Variants in DBP observed in about 807,000 individuals in gnomAD.
The protein encoded by DBP is D-box binding PAR bZIP transcription factor.
A neutral mutation model predicts 21.4 loss-of-function variants in DBP; 12 were observed. That is an observed-to-expected ratio of 0.56 (90% confidence interval 0.36 to 0.91). DBP has a LOEUF of 0.91. Among genes scored for constraint, DBP ranks in the 40% least tolerant of loss-of-function variants. The pLI is 0.01. For missense variants in DBP, 423 were observed against 473.4 expected (o/e 0.89, Z 0.99); for synonymous variants, 213 against 224.9 (o/e 0.95, Z 0.47).
Position 48,630,547 on chromosome 19 carries a change from C to T in DBP, c.*290G>A. The stretch of plus-strand genomic sequence containing the variant: ...ATGCCAGGGAGCTGCCCTCTTCTTC[C>T]ACAACAGCTGGCTCTGGGGTTCTCA... On this transcript the variant is annotated 3_prime_UTR_variant, in exon 4 of 4. Coordinates refer to ENST00000222122, the MANE Select transcript of DBP (RefSeq NM_001352.5). The surrounding 1 kb of genome is among the most constrained non-coding windows in gnomAD (Gnocchi z 4.9). 4 of 1,535,374 alleles carry T rather than the reference C, an allele frequency of 2.6e-6. No individual in the cohort carries two copies. Among genetic ancestry groups the T allele is most frequent in the Non-Finnish European group, 3.5e-6 (4 of 1,146,576 alleles).
At chr19:48,632,779 T>C (rs1418239203) in intron 3 of DBP, 2 of 154,474 alleles carry the variant, frequency 1.3e-5, no homozygotes, top group African/African-American at 4.8e-5. Context: ...ACAGTCTTCA[T>C]CCTAGCCAAA....
chr19:48,635,950 T>C lies in DBP; in HGVS notation c.180A>G (p.Ala60=). 7.9e-6 allele frequency: 12 copies of C among 1,526,806 alleles called. No homozygotes were observed. Among genetic ancestry groups the C allele is most frequent in the Non-Finnish European group, 1.0e-5 (12 of 1,144,214 alleles). The allele number at this position is 1,526,806 out of a possible 1,614,324, so 94.6% of individuals were successfully genotyped here. The part of the protein sequence containing the change: ...KEKERKAALP[A]ATTPGPGLET... ...CCAGGCCTGGCCCAGGGGTTGTGGCTGCAGGCAGGGCCGCCTTGCGCTCCT... is the reference window on the plus strand; with the variant it reads ...CCAGGCCTGGCCCAGGGGTTGTGGCCGCAGGCAGGGCCGCCTTGCGCTCCT... The change falls in exon 2 of 4, where the codon GCA becomes GCG. Residue 60 remains alanine (A), a synonymous_variant. Coordinates refer to ENST00000222122, the MANE Select transcript of DBP (RefSeq NM_001352.5).
At position 48,633,484 on chromosome 19, in the gene DBP, A is replaced by T; in HGVS notation, c.722T>A (p.Met241Lys). The T allele has an allele frequency of 1.2e-6, 2 of 1,614,098 alleles. No homozygotes were observed. Among genetic ancestry groups the T allele is most frequent in the Non-Finnish European group, 1.7e-6 (2 of 1,180,034 alleles). ...SEEELKPQPI[M>K]KKARKIQVPE... ...CACCTGGATTTTTCTTGCCTTCTTC[A>T]TGATTGGCTGGGGCTTAAGTTCCTC... The change falls in exon 3 of 4, where the codon ATG (methionine) becomes AAG (lysine). Residue 241 changes from methionine to lysine, a missense_variant. This residue lies in a region of DBP where 77 missense variants were observed against 97.1 expected (regional missense o/e 0.79). Coordinates refer to ENST00000222122, the MANE Select transcript of DBP (RefSeq NM_001352.5).
At chr19:48,635,226 T>G (rs1393362132) in intron 2 of DBP, 4 of 1,125,890 alleles carry the variant, frequency 3.6e-6, no homozygotes, top group Non-Finnish European at 4.4e-6. Flanking sequence ...GGGCCCAGAT[T>G]CGGGGGTCAG....
intron 2 of DBP, chr19:48,635,178 C>T (rs1601181054): frequency 1.6e-5 from 17 of 1,058,008 alleles, no homozygotes; most frequent in Non-Finnish European, 1.8e-5. Context: ...CTGTAAAGGA[C>T]CTAGGGGCTC....
At chr19:48,634,664 T>C in intron 2 of DBP, 2 of 984,562 alleles carry the variant, frequency 2.0e-6, no homozygotes, top group Non-Finnish European at 2.4e-6. Context: ...TGAAGGCGCC[T>C]GCGCGAAGCG....
chr19:48,634,649 G>A (rs2030716763), intron 2 of DBP: 1 of 978,530 alleles, frequency 1.0e-6, no homozygotes, highest in African/African-American at 1.8e-5. Flanking sequence ...CGCCCCCCTC[G>A]CGCTTGAAGG....
intron 1 of DBP, among the ~76,000 whole-genome samples, 192 bp from the exon 2 acceptor site, chr19:48,636,182 G>A (rs2030788785): frequency 1.3e-5 from 2 of 152,080 alleles, no homozygotes; most frequent in Admixed American, 1.3e-4. Context: ...TGGAGACGGG[G>A]GTGGCAGAGA....
rs1454269888 is a variant in DBP, at chr19:48,635,617, G to A, written c.513C>T (p.Ala171=). 1.5e-6 allele frequency: 2 copies of A among 1,345,020 alleles called. No individual in the cohort carries two copies. Among genetic ancestry groups the A allele is most frequent in the Non-Finnish European group, 1.9e-6 (2 of 1,058,064 alleles). The allele number at this position is 1,345,020 out of a possible 1,614,324, so 83.3% of individuals were successfully genotyped here. The part of the protein sequence containing the change: ...SPRSSPGHAP[A]RAALGTASGH... ...CGCTGGCGGTCCCGAGGGCAGCCCG[G>A]GCGGGGGCGTGCCCAGGAGAGGAGC... Residue 171 remains alanine, a synonymous_variant, in exon 2 of 4, where the codon GCC becomes GCT. Coordinates refer to ENST00000222122, the MANE Select transcript of DBP (RefSeq NM_001352.5).
chr19:48,635,554 G>C (rs2030753296), intron 2 of DBP, 26 bp downstream of exon 2: 2 of 1,429,562 alleles, frequency 1.4e-6, no homozygotes, highest in South Asian at 2.8e-5. Flanking sequence ...GCCCCGTCAG[G>C]ACCCGCCCCG....
Position 48,630,261 on chromosome 19 carries a change from T to C in DBP, c.*576A>G. ...GGGGCAGGTTCCCCGGGGCCGGCGCTAGGATTTGCACTAATGTTCCTCTCC... is the reference window on the plus strand; with the variant it reads ...GGGGCAGGTTCCCCGGGGCCGGCGCCAGGATTTGCACTAATGTTCCTCTCC... On this transcript the variant is annotated 3_prime_UTR_variant, in exon 4 of 4. Coordinates refer to ENST00000222122, the MANE Select transcript of DBP (RefSeq NM_001352.5). The surrounding 1 kb of genome is among the most constrained non-coding windows in gnomAD (Gnocchi z 4.9). 1 of 1,283,128 alleles carries C rather than the reference T, an allele frequency of 7.8e-7. No individual in the cohort carries two copies. Among genetic ancestry groups the C allele is most frequent in the Non-Finnish European group, 9.8e-7 (1 of 1,015,800 alleles). The allele number at this position is 1,283,128 out of a possible 1,614,324, so 79.5% of individuals were successfully genotyped here.
At position 48,630,166 on chromosome 19, in the gene DBP, G is replaced by A; in HGVS notation, c.*671C>T. The A allele has an allele frequency of 8.1e-7, 1 of 1,239,592 alleles. No homozygotes were observed. Among genetic ancestry groups the A allele is most frequent in the Non-Finnish European group, 1.0e-6 (1 of 989,182 alleles). 76.8% of individuals were successfully genotyped at this position (1,239,592 alleles called of 1,614,324 possible). A position where few individuals can be genotyped will look rare whatever the true frequency, so the allele number is the denominator to read the frequency against. ...GGCTGGGGTAGGCCTCAGTGAGTCG[G>A]CCGGTCAGGGCCCGCAGCCTCGCCC... On this transcript the variant is annotated 3_prime_UTR_variant, in exon 4 of 4. Coordinates refer to ENST00000222122, the MANE Select transcript of DBP (RefSeq NM_001352.5). This position sits in a 1 kb window ranked among gnomAD's most constrained non-coding sequence, Gnocchi z 4.9.
Position 48,635,998 on chromosome 19 carries a change from C to A in DBP, c.140-8G>T, listed in dbSNP as rs937081890. The A allele has an allele frequency of 2.0e-6, 3 of 1,503,968 alleles. No individual in the cohort carries two copies. The African/African-American group carries it at 4.3e-5, about 21-fold the overall frequency. 93.2% of individuals were successfully genotyped at this position (1,503,968 alleles called of 1,614,324 possible). The stretch of plus-strand genomic sequence containing the variant: ...CCTTTTCCTTCAGGAGACCTGCGGG[C>A]CGGGAAAGACGGGTTGGGATGAGGG... On this transcript the variant is annotated splice_region_variant and splice_polypyrimidine_tract_variant and intron_variant, in intron 1 of 3. Transcript: ENST00000222122.
In DBP at chr19:48,635,711, G is replaced by A; in HGVS notation, c.419C>T (p.Pro140Leu). The change falls in exon 2 of 4, where the codon CCG becomes CTG. Residue 140 changes from proline (P) to leucine (L), a missense_variant. Pro to Leu is a moderately conservative substitution (Grantham distance 98, BLOSUM62 -3). Transcript: ENST00000222122. Reference sequence around the variant, plus strand: ...GGGCGTCCGCGCGGGCGACGGCTCCGGCGACGGGCCACCGGGGGGCGGCGG... The same window carrying A: ...GGGCGTCCGCGCGGGCGACGGCTCCAGCGACGGGCCACCGGGGGGCGGCGG... The part of the protein sequence containing the change: ...PSPPPPGGPS[P>L]EPSPARTPAP... 4.5e-6 allele frequency: 6 copies of A among 1,332,586 alleles called. No homozygotes were observed. Among genetic ancestry groups the A allele is most frequent in the South Asian group, 2.0e-5 (1 of 48,970 alleles). The allele number at this position is 1,332,586 out of a possible 1,614,324, so 82.5% of individuals were successfully genotyped here. A position where few individuals can be genotyped will look rare whatever the true frequency, so the allele number is the denominator to read the frequency against.
Position 48,630,963 on chromosome 19 carries a change from C to G in DBP, c.852G>C (p.Ser284=), listed in dbSNP as rs200967897. 1.9e-6 allele frequency: 3 copies of G among 1,613,544 alleles called. No homozygotes were observed. The highest frequency in any genetic ancestry group is 2.5e-6 in the Non-Finnish European group (3 of 1,179,924). The part of the protein sequence containing the change: ...DARRLKENQI[S]VRAAFLEKEN... ...CCTTCTCCAGGAAGGCCGCCCGCAC[C>G]GATATCTGGTTCTCCTTGAGCCGCC... The change falls in exon 4 of 4, where the codon TCG becomes TCC. Residue 284 remains serine, a synonymous_variant. Coordinates refer to ENST00000222122, the MANE Select transcript of DBP (RefSeq NM_001352.5). This position sits in a 1 kb window ranked among gnomAD's most constrained non-coding sequence, Gnocchi z 4.9.
At position 48,635,323 on chromosome 19, in the gene DBP, G is replaced by A. The variant is rs953224894; in HGVS notation, c.550+257C>T. 3.9e-6 allele frequency: 5 copies of A among 1,287,124 alleles called. No individual in the cohort carries two copies. In the African/African-American group the frequency reaches 6.4e-5, roughly 17 times the overall value. The allele number at this position is 1,287,124 out of a possible 1,614,324, so 79.7% of individuals were successfully genotyped here. A position where few individuals can be genotyped will look rare whatever the true frequency, so the allele number is the denominator to read the frequency against. ...ACATCGTTTGTCCCCAAGTCCCACA[G>A]AAAAACCCACAAAATCTCATTGGGC... On this transcript the variant is annotated intron_variant, in intron 2 of 3. Coordinates refer to ENST00000222122, the MANE Select transcript of DBP (RefSeq NM_001352.5).
chr19:48,636,413 C>G (rs1312414064), intron 1 of DBP, among the ~76,000 whole-genome samples: 1 of 152,074 alleles, frequency 6.6e-6, no homozygotes, highest in Non-Finnish European at 1.5e-5. Context: ...TCCCCTCCCC[C>G]ACCATCTGTA....
chr19:48,635,725 G>A lies in DBP; in HGVS notation c.405C>T (p.Pro135=), dbSNP rs889883821. The A allele has an allele frequency of 1.9e-5, 26 of 1,346,774 alleles. 1 individual carries two copies. Among genetic ancestry groups the A allele is most frequent in the Middle Eastern group, 4.6e-4 (2 of 4,354 alleles). The allele number at this position is 1,346,774 out of a possible 1,614,324, so 83.4% of individuals were successfully genotyped here. Residue 135 remains proline, a synonymous_variant, in exon 2 of 4, where the codon CCC becomes CCT. Transcript: ENST00000222122. Reference sequence around the variant, plus strand: ...GCGACGGCTCCGGCGACGGGCCACCGGGGGGCGGCGGGCTGGGCGGGAGCC... The same window carrying A: ...GCGACGGCTCCGGCGACGGGCCACCAGGGGGCGGCGGGCTGGGCGGGAGCC... ...EHGLPPSPPP[P]GGPSPEPSPA...
chr19:48,630,363 T>A lies in DBP; in HGVS notation c.*474A>T. On this transcript the variant is annotated 3_prime_UTR_variant, in exon 4 of 4. Coordinates refer to ENST00000222122, the MANE Select transcript of DBP (RefSeq NM_001352.5). This position sits in a 1 kb window ranked among gnomAD's most constrained non-coding sequence, Gnocchi z 4.9. ...CTCCGTCCCCAATCTAAAAAGCAAT[T>A]GAAAAGGTCTATGCAATAAAGGCAG... The A allele has an allele frequency of 1.5e-6, 2 of 1,312,670 alleles. No homozygotes were observed. The highest frequency in any genetic ancestry group is 5.9e-5 in the East Asian group (2 of 33,816). 81.3% of individuals were successfully genotyped at this position (1,312,670 alleles called of 1,614,324 possible).
Sources: allele counts gnomAD v4.1 joint callset (sites outside exome capture counted in the v4.1 genomes callset), GRCh38; gene constraint gnomAD v4.1.1; regional missense constraint gnomAD v4.1.1; non-coding constraint Gnocchi (gnomAD v3.1); transcripts MANE v1.5; gene names NCBI Gene and HGNC (gene_info 2026-07-23, HGNC 2026-07-21).